Variants in PFDN1 observed in about 807,000 individuals in gnomAD.
PFDN1 encodes the protein prefoldin subunit 1, also known as prefoldin 1.
Under a neutral mutation model 17.3 loss-of-function variants are expected in PFDN1, and 6 were observed. The ratio of observed to expected loss-of-function variants is 0.35; its 90% CI spans 0.19 to 0.69. The LOEUF is 0.69. PFDN1 is among the 30% of genes least tolerant of loss of function. The pLI, the probability that PFDN1 is intolerant of heterozygous loss-of-function variation, is 0.65. For missense variants in PFDN1, 113 were observed against 146.2 expected (o/e 0.77, Z 1.17); for synonymous variants, 58 against 50.1 (o/e 1.16, Z -0.67).
chr5:140,288,491 CAA>C (rs1446532664), intron 2 of PFDN1, among the ~76,000 whole-genome samples: 1 of 152,134 alleles, frequency 6.6e-6, no homozygotes, highest in South Asian at 2.1e-4. Flanking sequence ...TATGATAACA[CAA>C]AGAGTGACCC....
intron 3 of PFDN1, among the ~76,000 whole-genome samples, chr5:140,273,109 G>T (rs996544562): frequency 1.3e-5 from 2 of 152,044 alleles, no homozygotes; most frequent in African/African-American, 4.8e-5. Flanking sequence ...GCCGGGCATG[G>T]TGGCATGCAC....
At chr5:140,272,097 G>A (rs1248998805) in intron 3 of PFDN1, among the ~76,000 whole-genome samples, 1 of 151,852 alleles carries the variant, frequency 6.6e-6, no homozygotes, top group African/African-American at 2.4e-5. Flanking sequence ...TTGGCTCACT[G>A]CAACCTCCAC....
intron 3 of PFDN1, among the ~76,000 whole-genome samples, chr5:140,255,200 G>A (rs1031947285): frequency 9.9e-5 from 15 of 152,160 alleles, no homozygotes; most frequent in African/African-American, 3.6e-4. Context: ...AATCTCATAA[G>A]AACTCTATCT....
chr5:140,293,360 G>A (rs1164715212), intron 2 of PFDN1, among the ~76,000 whole-genome samples: 2 of 148,854 alleles, frequency 1.3e-5, no homozygotes, highest in Non-Finnish European at 3.0e-5. Flanking sequence ...AAATGCAGAA[G>A]CAAGCAAAGT....
At position 140,266,034 on chromosome 5, in the gene PFDN1, A is replaced by G. The variant is rs74910830; in HGVS notation, c.285+15415T>C. Among the ~76,000 whole-genome samples, 633 of 152,266 alleles carry G rather than the reference A, an allele frequency of 4.2e-3. 24 individuals carry two copies. The East Asian group carries it at 0.058, about 14-fold the overall frequency. On this transcript the variant is annotated intron_variant, in intron 3 of 3. Coordinates refer to ENST00000261813, the MANE Select transcript of PFDN1 (RefSeq NM_002622.5). ...CTCCTCTGCCCTAGCCCCACCTAGC[A>G]AACTTCTAGCTGACCTTCAAAGCCC...
intron 3 of PFDN1, among the ~76,000 whole-genome samples, chr5:140,274,726 G>C (rs961294223): frequency 6.6e-6 from 1 of 152,230 alleles, no homozygotes; most frequent in Non-Finnish European, 1.5e-5. Context: ...AATGTAAAAA[G>C]AGGCAGAGCA....
rs1488298663 is a variant in PFDN1 at position 140,254,437 on chromosome 5, T to C, written c.286-8380A>G. On this transcript the variant is annotated intron_variant, in intron 3 of 3. Transcript: ENST00000261813. The surrounding 1 kb of genome is among the most constrained non-coding windows in gnomAD (Gnocchi z 4.4). ...CATAAACCCTGGTCCTTGAAGTTCA[T>C]GGCATCATGCTTAGCCACCGGACTC... is the stretch of plus-strand genomic sequence containing the variant. Among the ~76,000 whole-genome samples the C allele has an allele frequency of 1.3e-5, 2 of 152,202 alleles. No homozygotes were observed. The highest frequency in any genetic ancestry group is 2.9e-5 in the Non-Finnish European group (2 of 68,032).
chr5:140,281,729 C>T, intron 2 of PFDN1, 196 bp from the exon 3 acceptor site: 1 of 515,948 alleles, frequency 1.9e-6, no homozygotes, highest in South Asian at 2.2e-5. Context: ...AAAGTAGATT[C>T]TGCTTTCTTA....
intron 2 of PFDN1, among the ~76,000 whole-genome samples, chr5:140,287,527 A>C (rs1765516098): frequency 6.6e-6 from 1 of 152,224 alleles, no homozygotes; most frequent in South Asian, 2.1e-4. Context: ...GGAATCAGGA[A>C]CCACAGCTTC....
At chr5:140,270,203 A>G (rs749068624) in intron 3 of PFDN1, among the ~76,000 whole-genome samples, 14 of 152,230 alleles carry the variant, frequency 9.2e-5, no homozygotes, top group Non-Finnish European at 1.9e-4. Context: ...TAACTCATTA[A>G]AAGAAATCAT....
intron 3 of PFDN1, among the ~76,000 whole-genome samples, chr5:140,261,914 T>C (rs1227477442): frequency 2.6e-5 from 4 of 152,096 alleles, no homozygotes; most frequent in Non-Finnish European, 5.9e-5. Flanking sequence ...CAGATCATGA[T>C]GAAATCACTC....
intron 3 of PFDN1, among the ~76,000 whole-genome samples, chr5:140,259,726 G>A (rs1297051128): frequency 6.6e-6 from 1 of 152,190 alleles, no homozygotes; most frequent in Non-Finnish European, 1.5e-5. Context: ...TCTTGGAAGT[G>A]GAGGTGTAAC....
chr5:140,252,282 G>C (rs1397170509), intron 3 of PFDN1, among the ~76,000 whole-genome samples: 1 of 152,164 alleles, frequency 6.6e-6, no homozygotes, highest in African/African-American at 2.4e-5. Context: ...AATAAAAATA[G>C]CCCTGCTGGC....
At chr5:140,266,077 CT>C (rs1765129783) in intron 3 of PFDN1, among the ~76,000 whole-genome samples, 1 of 152,190 alleles carries the variant, frequency 6.6e-6, no homozygotes, top group South Asian at 2.1e-4. Flanking sequence ...ATGCCCGCCC[CT>C]CTCCCATGAA....
intron 3 of PFDN1, among the ~76,000 whole-genome samples, chr5:140,275,302 G>C (rs998049898): frequency 1.3e-4 from 20 of 151,812 alleles, no homozygotes; most frequent in African/African-American, 4.6e-4. Flanking sequence ...CCAGCTACTC[G>C]GGAGGCTGAA....
Position 140,266,671 on chromosome 5 carries a change from G to A in PFDN1, c.285+14778C>T, listed in dbSNP as rs953710530. Among the ~76,000 whole-genome samples the A allele has an allele frequency of 9.2e-5, 14 of 152,302 alleles. No individual in the cohort carries two copies. In the East Asian group the frequency reaches 2.5e-3, roughly 27 times the overall value. ...AATACAAAAATCAATAAGCCCTCAGGTGAGTCAACACAGAATGTGGAACAC... is the reference window on the plus strand; with the variant it reads ...AATACAAAAATCAATAAGCCCTCAGATGAGTCAACACAGAATGTGGAACAC... On this transcript the variant is annotated intron_variant, in intron 3 of 3. Coordinates refer to ENST00000261813, the MANE Select transcript of PFDN1 (RefSeq NM_002622.5).
chr5:140,302,971 T>G, intron 1 of PFDN1, 70 bp downstream of exon 1: 11 of 1,087,036 alleles, frequency 1.0e-5, no homozygotes, highest in East Asian at 2.3e-5. Context: ...GTGCCTCACT[T>G]GATATTCTTG....
At chr5:140,268,345 C>A (rs925701346) in intron 3 of PFDN1, among the ~76,000 whole-genome samples, 2 of 152,078 alleles carry the variant, frequency 1.3e-5, no homozygotes, top group Non-Finnish European at 2.9e-5. Context: ...AAATAAGATA[C>A]AATTCATTAA....
Position 140,300,575 on chromosome 5 carries a change from G to C in PFDN1, c.41C>G (p.Thr14Arg). Residue 14 changes from threonine (T) to arginine (R), a missense_variant, in exon 2 of 4, where the codon ACA (threonine) becomes AGA (arginine). By Grantham distance (71) the Thr-to-Arg change is moderately conservative. Coordinates refer to ENST00000261813, the MANE Select transcript of PFDN1 (RefSeq NM_002622.5). ...PVDLELKKAF[T>R]ELQAKVIDTQ... ...GTCAATAACTTTGGCTTGAAGCTCT[G>C]TGAAGGCCTAATAAAAACAAGTCCA... The C allele has an allele frequency of 3.1e-6, 5 of 1,600,838 alleles. No homozygotes were observed. Among genetic ancestry groups the C allele is most frequent in the Non-Finnish European group, 2.6e-6 (3 of 1,173,556 alleles).
Sources: allele counts gnomAD v4.1 joint callset (sites outside exome capture counted in the v4.1 genomes callset), GRCh38; gene constraint gnomAD v4.1.1; non-coding constraint Gnocchi (gnomAD v3.1); transcripts MANE v1.5; gene names NCBI Gene and HGNC (gene_info 2026-07-23, HGNC 2026-07-21).